Variants in YBEY observed in about 807,000 individuals in gnomAD.
YBEY encodes the protein ybeY metalloendoribonuclease, also known as endoribonuclease YbeY.
In YBEY, 15 loss-of-function variants were observed where a neutral mutation model predicts 13.5. The ratio of observed to expected loss-of-function variants is 1.11; its 90% CI spans 0.75 to 1.72. The LOEUF (loss-of-function observed/expected upper bound fraction) is 1.72. Among genes scored for constraint, YBEY ranks in the 40% most tolerant of loss-of-function variants. YBEY has a pLI of 0.00. For missense variants in YBEY, 244 were observed against 208.4 expected, an observed-to-expected ratio of 1.17 and a Z score of -1.05; for synonymous variants, 101 against 83.1, an observed-to-expected ratio of 1.21 and a Z score of -1.17.
At chr21:46,292,688 C>G (rs373469257) in intron 3 of YBEY, among the ~76,000 whole-genome samples, 8 of 53,278 alleles carry the variant, frequency 1.5e-4, no homozygotes, top group African/African-American at 6.8e-4. Flanking sequence ...GCCCGGGACT[C>G]AGTGGGGACA....
chr21:46,301,233 C>T (rs943054133), downstream of YBEY: 1 of 347,098 alleles, frequency 2.9e-6, no homozygotes, highest in African/African-American at 2.2e-5. Flanking sequence ...CTTCTAACTC[C>T]TGGGCTCAAG....
chr21:46,306,721 A>C, the YBEY span, among the ~76,000 whole-genome samples: 1 of 150,740 alleles, frequency 6.6e-6, no homozygotes, highest in African/African-American at 2.4e-5. Flanking sequence ...CCAAGTAGCT[A>C]GGACCACAGG....
chr21:46,301,465 G>A (rs1187757651), downstream of YBEY: 22 of 869,096 alleles, frequency 2.5e-5, no homozygotes, highest in Non-Finnish European at 2.8e-5. Flanking sequence ...GGGAGTCTGT[G>A]CCACAGCTGT....
intron 3 of YBEY, 66 bp from the exon 4 acceptor site, chr21:46,296,096 G>A: frequency 1.3e-6 from 2 of 1,576,626 alleles, no homozygotes; most frequent in Non-Finnish European, 8.7e-7. Flanking sequence ...GTGGCCCTGG[G>A]GTGGCCCTGA....
chr21:46,303,732 TATATATATA>T, the YBEY span, among the ~76,000 whole-genome samples: 1 of 31,710 alleles, frequency 3.2e-5, no homozygotes, highest in Non-Finnish European at 5.7e-5. Flanking sequence ...TATATATATA[TATATATATA>T]TATATTTTTT....
chr21:46,312,508 G>A, the YBEY span, among the ~76,000 whole-genome samples: 8,013 of 151,906 alleles, frequency 0.053, 269 homozygotes, highest in Non-Finnish European at 0.067. Context: ...TAGTATAGAC[G>A]GGGTTTCACC....
chr21:46,291,668 C>A, intron 3 of YBEY: 1 of 1,351,284 alleles, frequency 7.4e-7, no homozygotes, highest in Non-Finnish European at 9.5e-7. Flanking sequence ...AGAGAACACG[C>A]TGTGAAAACA....
chr21:46,296,256 C>T (rs762847090), intron 4 of YBEY, 26 bp downstream of exon 4: 18 of 1,612,302 alleles, frequency 1.1e-5, no homozygotes, highest in Non-Finnish European at 1.3e-5. Context: ...ATCCCACTAC[C>T]GAGGGGGTGC....
intron 3 of YBEY, chr21:46,291,696 G>T (rs1339758053): frequency 3.5e-5 from 45 of 1,293,158 alleles, no homozygotes; most frequent in Non-Finnish European, 4.1e-5. Flanking sequence ...TCCCAGAGAA[G>T]CCTTCTCAGC....
At chr21:46,307,371 A>G in the YBEY span, among the ~76,000 whole-genome samples, 1 of 151,828 alleles carries the variant, frequency 6.6e-6, no homozygotes, top group Non-Finnish European at 1.5e-5. Flanking sequence ...ATAGGCACAC[A>G]CTCACCCATT....
At chr21:46,312,913 A>C in the YBEY span, 1 of 810,680 alleles carries the variant, frequency 1.2e-6, no homozygotes, top group Non-Finnish European at 1.5e-6. Flanking sequence ...AGAACACGTC[A>C]TGAAAATGAA....
the YBEY span, among the ~76,000 whole-genome samples, chr21:46,310,466 C>G: frequency 1.4e-5 from 2 of 146,238 alleles, no homozygotes; most frequent in African/African-American, 5.2e-5. Flanking sequence ...GCAACAAGAG[C>G]GAGACTGTCT....
At chr21:46,310,761 G>C in the YBEY span, among the ~76,000 whole-genome samples, 2 of 151,862 alleles carry the variant, frequency 1.3e-5, no homozygotes, top group African/African-American at 4.8e-5. Flanking sequence ...AATGAGCTGA[G>C]ATCATGCCAT....
chr21:46,298,455 G>C (rs1263775500), downstream of YBEY, among the ~76,000 whole-genome samples: 5 of 27,586 alleles, frequency 1.8e-4, no homozygotes, highest in Admixed American at 4.4e-4. Context: ...TTGAGACGGA[G>C]TCTCGCTCTG....
intron 4 of YBEY, among the ~76,000 whole-genome samples, chr21:46,296,574 C>T (rs1027285094): frequency 6.6e-6 from 1 of 152,158 alleles, no homozygotes; most frequent in Non-Finnish European, 1.5e-5. Context: ...TTGGTTTCCT[C>T]CAGACCCATG....
the YBEY span, among the ~76,000 whole-genome samples, chr21:46,304,800 C>G: frequency 1.3e-5 from 2 of 152,108 alleles, no homozygotes; most frequent in African/African-American, 4.8e-5. Context: ...GAATCTTGAG[C>G]GGGGACGGAA....
At position 46,286,890 on chromosome 21, in the gene YBEY, A is replaced by G; in HGVS notation, c.-24A>G. ...CCCAGGTTCCGTTGCAAACATTTTT[A>G]AAGGGCTGGTTATTCTTCCTGAAAT... On this transcript the variant is annotated 5_prime_UTR_variant, in exon 2 of 5. Transcript: ENST00000397701. The G allele has an allele frequency of 1.2e-6, 2 of 1,612,374 alleles. No individual in the cohort carries two copies. The highest frequency in any genetic ancestry group is 8.5e-7 in the Non-Finnish European group (1 of 1,179,020).
At chr21:46,304,689 C>T in the YBEY span, among the ~76,000 whole-genome samples, 8 of 152,132 alleles carry the variant, frequency 5.3e-5, no homozygotes, top group African/African-American at 1.7e-4. Flanking sequence ...TGGGCACAAA[C>T]CTTTTGAGAG....
chr21:46,295,822 AC>A (rs1184501950), intron 3 of YBEY, among the ~76,000 whole-genome samples: 1 of 91,632 alleles, frequency 1.1e-5, no homozygotes, highest in Non-Finnish European at 2.2e-5. Flanking sequence ...CTGCCCCACC[AC>A]CCCGTGGCAC....
Sources: gnomAD v4.1 joint callset for allele counts (sites outside exome capture counted in the v4.1 genomes callset) on GRCh38, gnomAD v4.1.1 for gene constraint, MANE v1.5 for transcripts, NCBI Gene and HGNC (gene_info 2026-07-23, HGNC 2026-07-21) for gene names.